ZAR1: variants seen among roughly 807,000 people sequenced by gnomAD.
ZAR1 encodes the protein zygote arrest 1.
A neutral mutation model predicts 38.3 loss-of-function variants in ZAR1; 37 were observed. That is an observed-to-expected ratio of 0.97 (90% CI 0.74 to 1.27). The LOEUF is 1.27. ZAR1 is among the 50% of genes most tolerant of loss of function. ZAR1 has a pLI of 0.00. For synonymous variants in ZAR1, 336 were observed against 292.0 expected, an observed-to-expected ratio of 1.15 and a Z score of -1.53; for missense variants, 651 against 632.4, an observed-to-expected ratio of 1.03 and a Z score of -0.32.
chr4:48,496,414 AT>A (rs1290033597), downstream of ZAR1, among the ~76,000 whole-genome samples: 1 of 81,022 alleles, frequency 1.2e-5, no homozygotes, highest in Non-Finnish European at 2.5e-5. Context: ...AATTACATAA[AT>A]GTACCTACAT....
downstream of ZAR1, among the ~76,000 whole-genome samples, chr4:48,496,264 ATG>A (rs1230784442): frequency 6.6e-6 from 1 of 152,118 alleles, no homozygotes; most frequent in Non-Finnish European, 1.5e-5. Flanking sequence ...GGTAAAGGCG[ATG>A]TGTTTTTTAC....
Position 48,492,773 on chromosome 4 carries a change from A to G in ZAR1, c.971A>G (p.Glu324Gly). Residue 324 changes from glutamate (E) to glycine (G), a missense_variant, in exon 2 of 4, where the codon GAG becomes GGG. By Grantham distance (98) the Glu-to-Gly change is moderately conservative (BLOSUM62 -2). Around this residue, in one of 2 missense-constraint regions of ZAR1, gnomAD observed 129 missense variants for 172.5 expected, o/e 0.75. Coordinates refer to ENST00000327939, the MANE Select transcript of ZAR1 (RefSeq NM_175619.3). The stretch of plus-strand genomic sequence containing the variant: ...ACATATCCTGTTGTTCAGTTCTTAG[A>G]GCAGAAATATGGCTATTACCACTGC... ...GKERLRFQFL[E>G]QKYGYYHCKD... The G allele has an allele frequency of 3.7e-6, 6 of 1,614,076 alleles. No individual in the cohort carries two copies. Among genetic ancestry groups the G allele is most frequent in the Non-Finnish European group, 5.1e-6 (6 of 1,179,926 alleles).
chr4:48,490,731 G>A lies in ZAR1; in HGVS notation c.440G>A (p.Gly147Asp). ...GGCCCCGGGGCCGAGGGCACCACGG[G>A]TGGCGGCTCTTTCTCCCAGCAGCCA... ...PAGPGAEGTTGGGSFSQQPSR... is the reference protein window; with the variant it reads ...PAGPGAEGTTDGGSFSQQPSR... Residue 147 changes from glycine (G) to aspartate (D), a missense_variant, in exon 1 of 4, where the codon GGT becomes GAT. Around this residue, in one of 2 missense-constraint regions of ZAR1, gnomAD observed 522 missense variants for 459.9 expected, o/e 1.14. Transcript: ENST00000327939. The A allele has an allele frequency of 7.3e-7, 1 of 1,374,634 alleles. No individual in the cohort carries two copies. Among genetic ancestry groups the A allele is most frequent in the Non-Finnish European group, 9.4e-7 (1 of 1,067,192 alleles). 85.2% of individuals were successfully genotyped at this position (1,374,634 alleles called of 1,614,324 possible).
At chr4:48,492,630 C>T (rs1381208632) in intron 1 of ZAR1, 136 bp from the exon 2 acceptor site, 11 of 770,632 alleles carry the variant, frequency 1.4e-5, no homozygotes, top group East Asian at 4.9e-5. Flanking sequence ...ATTGAAGAGG[C>T]GTACCCAAAC....
chr4:48,492,690 T>C (rs532230529), intron 1 of ZAR1, 76 bp from the exon 2 acceptor site: 1 of 1,439,448 alleles, frequency 6.9e-7, no homozygotes, highest in East Asian at 2.3e-5. Flanking sequence ...AAATATCAAG[T>C]AGATCCTTCC....
In ZAR1 at chr4:48,491,082, C is replaced by T; in HGVS notation, c.791C>T (p.Pro264Leu). The change falls in exon 1 of 4, where the codon CCG becomes CTG. Residue 264 changes from proline (P) to leucine (L), a missense_variant. Physicochemically the swap from Pro to Leu is moderately conservative, Grantham distance 98. This residue lies in a region of ZAR1 where 522 missense variants were observed against 459.9 expected (regional missense o/e 1.14). Coordinates refer to ENST00000327939, the MANE Select transcript of ZAR1 (RefSeq NM_175619.3). The stretch of plus-strand genomic sequence containing the variant: ...CCGGCCGACGGTCCCGAGCTGCCGC[C>T]GCGAGAGGCCCAGGAGGGCGAGGCG... ...EQPADGPELP[P>L]REAQEGEAAP... 1.5e-6 allele frequency: 2 copies of T among 1,305,264 alleles called. No individual in the cohort carries two copies. Among genetic ancestry groups the T allele is most frequent in the African/African-American group, 1.5e-5 (1 of 64,694 alleles). The allele number at this position is 1,305,264 out of a possible 1,614,324, so 80.9% of individuals were successfully genotyped here. A position where few individuals can be genotyped will look rare whatever the true frequency, so the allele number is the denominator to read the frequency against.
In ZAR1 at chr4:48,494,140, C is replaced by A. The variant is rs751658888; in HGVS notation, c.1171C>A (p.Arg391Ser). The change falls in exon 4 of 4, where the codon CGC becomes AGC. Residue 391 changes from arginine to serine, a missense_variant. By Grantham distance (110) the Arg-to-Ser change is moderately radical. Coordinates refer to ENST00000327939, the MANE Select transcript of ZAR1 (RefSeq NM_175619.3). ...QTRCSCPVKLRHVDPKRPHRQ... is the reference protein window; with the variant it reads ...QTRCSCPVKLSHVDPKRPHRQ... ...GAGATGTTCCTGCCCAGTAAAACTT[C>A]GCCACGTGGACCCTAAACGGCCCCA... 1 of 1,614,144 alleles carries A rather than the reference C, an allele frequency of 6.2e-7. No individual in the cohort carries two copies. The highest frequency in any genetic ancestry group is 1.7e-5 in the Admixed American group (1 of 60,024).
chr4:48,490,993 C>T lies in ZAR1; in HGVS notation c.702C>T (p.Pro234=). Residue 234 remains proline (P), a synonymous_variant, in exon 1 of 4, where the codon CCC becomes CCT. Transcript: ENST00000327939. ...GGGAGGTGTGGACGAAGAAGGCGCC[C>T]CGGCGGCCGCAGTCCGACGACGACG... The part of the protein sequence containing the change: ...EEGEVWTKKA[P]RRPQSDDDGE... 2.9e-6 allele frequency: 4 copies of T among 1,356,882 alleles called. No homozygotes were observed. The highest frequency in any genetic ancestry group is 2.7e-4 in the Middle Eastern group (1 of 3,720). 84.1% of individuals were successfully genotyped at this position (1,356,882 alleles called of 1,614,324 possible). A position where few individuals can be genotyped will look rare whatever the true frequency, so the allele number is the denominator to read the frequency against.
chr4:48,490,987 G>A lies in ZAR1; in HGVS notation c.696G>A (p.Lys232=). Residue 232 remains lysine (K), a synonymous_variant, in exon 1 of 4, where the codon AAG becomes AAA. Coordinates refer to ENST00000327939, the MANE Select transcript of ZAR1 (RefSeq NM_175619.3). The part of the protein sequence containing the change: ...GPEEGEVWTK[K]APRRPQSDDD... ...AGGAGGGGGAGGTGTGGACGAAGAA[G>A]GCGCCCCGGCGGCCGCAGTCCGACG... 7 of 1,356,140 alleles carry A rather than the reference G, an allele frequency of 5.2e-6. No homozygotes were observed. Among genetic ancestry groups the A allele is most frequent in the Non-Finnish European group, 6.6e-6 (7 of 1,060,458 alleles). The allele number at this position is 1,356,140 out of a possible 1,614,324, so 84.0% of individuals were successfully genotyped here. A position where few individuals can be genotyped will look rare whatever the true frequency, so the allele number is the denominator to read the frequency against.
chr4:48,490,392 G>A lies in ZAR1; in HGVS notation c.101G>A (p.Gly34Asp), dbSNP rs1241490762. The A allele has an allele frequency of 6.7e-7, 1 of 1,495,764 alleles. No homozygotes were observed. Among genetic ancestry groups the A allele is most frequent in the South Asian group, 1.2e-5 (1 of 80,566 alleles). The allele number at this position is 1,495,764 out of a possible 1,614,324, so 92.7% of individuals were successfully genotyped here. A position where few individuals can be genotyped will look rare whatever the true frequency, so the allele number is the denominator to read the frequency against. The change falls in exon 1 of 4, where the codon GGC (glycine) becomes GAC (aspartate). Residue 34 changes from glycine (G) to aspartate (D), a missense_variant. By Grantham distance (94) the Gly-to-Asp change is moderately conservative. Around this residue, in one of 2 missense-constraint regions of ZAR1, gnomAD observed 522 missense variants for 459.9 expected, o/e 1.14. Transcript: ENST00000327939. ...TACCCCGCGGCCACCAAGGGCAAGG[G>A]CGCGGCGGGCGGCAGCTGGCAGCAG... ...YPYPAATKGK[G>D]AAGGSWQQRG... is the part of the protein sequence containing the mutation.
downstream of ZAR1, among the ~76,000 whole-genome samples, chr4:48,496,850 T>C (rs533538477): frequency 6.6e-6 from 1 of 152,196 alleles, no homozygotes; most frequent in Non-Finnish European, 1.5e-5. Flanking sequence ...TACCAATAAA[T>C]GGATTTTCAT....
rs753121878 is a variant in ZAR1 at position 48,490,299 on chromosome 4, C to A, written c.8C>A (p.Ala3Asp). 21 of 1,503,148 alleles carry A rather than the reference C, an allele frequency of 1.4e-5. No individual in the cohort carries two copies. Among genetic ancestry groups the A allele is most frequent in the Non-Finnish European group, 3.5e-6 (4 of 1,132,440 alleles). 93.1% of individuals were successfully genotyped at this position (1,503,148 alleles called of 1,614,324 possible). ...GGCGGGAGCAGTGCGCCCATGGCGG[C>A]CCTGGGGGACGAGGTGCTGGACGGT... MA[A>D]LGDEVLDGYV... The change falls in exon 1 of 4, where the codon GCC becomes GAC. Residue 3 changes from alanine to aspartate, a missense_variant. By Grantham distance (126) the Ala-to-Asp change is moderately radical. Coordinates refer to ENST00000327939, the MANE Select transcript of ZAR1 (RefSeq NM_175619.3).
At chr4:48,495,259 T>G (rs1362438227), downstream of ZAR1, among the ~76,000 whole-genome samples, 1 of 152,214 alleles carries the variant, frequency 6.6e-6, no homozygotes, top group Admixed American at 6.5e-5. Flanking sequence ...GTTGTAGTAT[T>G]GGTTTAATTA....
intron 1 of ZAR1, among the ~76,000 whole-genome samples, chr4:48,492,183 T>C (rs1718462219): frequency 6.6e-6 from 1 of 152,214 alleles, no homozygotes; most frequent in African/African-American, 2.4e-5. Flanking sequence ...CCAGAGTTCC[T>C]TCCAATTCTG....
At chr4:48,495,047 G>T (rs1718548855), downstream of ZAR1, among the ~76,000 whole-genome samples, 1 of 151,748 alleles carries the variant, frequency 6.6e-6, no homozygotes, top group Non-Finnish European at 1.5e-5. Flanking sequence ...TTTAAAGTAG[G>T]CCTCCTAAAA....
At chr4:48,491,282 G>C in intron 1 of ZAR1, 28 bp downstream of exon 1, 1 of 1,226,490 alleles carries the variant, frequency 8.2e-7, no homozygotes, top group Non-Finnish European at 1.0e-6. Flanking sequence ...CAGGGCACAG[G>C]GGAGCCCGGG....
chr4:48,492,914 A>G, intron 2 of ZAR1, 24 bp from the exon 3 acceptor site: 1 of 1,614,162 alleles, frequency 6.2e-7, no homozygotes, highest in Non-Finnish European at 8.5e-7. Flanking sequence ...GGCGATTTTA[A>G]GTTTATCCTC....
Position 48,490,432 on chromosome 4 carries a change from C to T in ZAR1, c.141C>T (p.Cys47=). 3 of 1,475,858 alleles carry T rather than the reference C, an allele frequency of 2.0e-6. No homozygotes were observed. Among genetic ancestry groups the T allele is most frequent in the Non-Finnish European group, 2.7e-6 (3 of 1,118,886 alleles). 91.4% of individuals were successfully genotyped at this position (1,475,858 alleles called of 1,614,324 possible). Residue 47 remains cysteine (C), a synonymous_variant, in exon 1 of 4, where the codon TGC becomes TGT. Transcript: ENST00000327939. The part of the protein sequence containing the change: ...GGSWQQRGRG[C]LPASSPCSAG... ...GCTGGCAGCAGCGCGGCAGGGGCTG[C>T]CTTCCCGCCTCCTCCCCCTGCTCGG...
chr4:48,490,296 CGGCCCTGGG>C lies in ZAR1; in HGVS notation c.8_16del (p.Ala3_Gly5del). The C allele has an allele frequency of 6.7e-7, 1 of 1,501,500 alleles. No homozygotes were observed. Among genetic ancestry groups the C allele is most frequent in the Non-Finnish European group, 8.8e-7 (1 of 1,131,608 alleles). 93.0% of individuals were successfully genotyped at this position (1,501,500 alleles called of 1,614,324 possible). A position where few individuals can be genotyped will look rare whatever the true frequency, so the allele number is the denominator to read the frequency against. On this transcript the variant is annotated inframe_deletion, in exon 1 of 4. Coordinates refer to ENST00000327939, the MANE Select transcript of ZAR1 (RefSeq NM_175619.3). The stretch of plus-strand genomic sequence containing the variant: ...GCGGGCGGGAGCAGTGCGCCCATGG[CGGCCCTGGG>C]GGACGAGGTGCTGGACGGTTACGTG...
Sources: gnomAD v4.1 joint callset for allele counts (sites outside exome capture counted in the v4.1 genomes callset) on GRCh38, gnomAD v4.1.1 for gene constraint, gnomAD v4.1.1 regional missense constraint, MANE v1.5 for transcripts, NCBI Gene and HGNC (gene_info 2026-07-23, HGNC 2026-07-21) for gene names.